Variants in TLL1 observed in about 807,000 individuals in gnomAD.
The protein encoded by TLL1 is tolloid like 1.
Under a neutral mutation model 128.2 loss-of-function variants are expected in TLL1, and 49 were observed. The ratio of observed to expected loss-of-function variants is 0.38; its 90% CI spans 0.30 to 0.48. The LOEUF is 0.48. Among genes scored for constraint, TLL1 ranks in the 20% least tolerant of loss-of-function variants. The pLI is 0.96. For synonymous variants in TLL1, 454 were observed against 418.8 expected (o/e 1.08, Z -1.03); for missense variants, 1,123 against 1,242.0 (o/e 0.90, Z 1.44).
At chr4:166,095,617 A>G (rs925008077) in intron 19 of TLL1, among the ~76,000 whole-genome samples, 3 of 152,138 alleles carry the variant, frequency 2.0e-5, no homozygotes, top group South Asian at 4.1e-4. Flanking sequence ...TATTTGATCT[A>G]AATCAATTAA....
chr4:165,937,886 G>C (rs1319220633), intron 1 of TLL1, among the ~76,000 whole-genome samples: 1 of 115,502 alleles, frequency 8.7e-6, no homozygotes, highest in Non-Finnish European at 1.6e-5. Flanking sequence ...TGCTCTCAAA[G>C]AAAATTATTT....
intron 2 of TLL1, 151 bp downstream of exon 2, chr4:165,989,642 T>C: frequency 3.4e-6 from 2 of 596,636 alleles, no homozygotes; most frequent in Non-Finnish European, 5.7e-6. Context: ...GCAGGTTTTA[T>C]TCATAGTTTT....
rs184350168 is a variant in TLL1 at position 166,096,066 on chromosome 4, T to G, written c.2657-3211T>G. On this transcript the variant is annotated intron_variant, in intron 19 of 20. Transcript: ENST00000061240. ...AGCAATTGCCCTCAGGCTGCCTATT[T>G]TATTCTGGAATTTCTCTCAGGGCAT... Among the ~76,000 whole-genome samples, 118 of 152,220 alleles carry G rather than the reference T, an allele frequency of 7.8e-4. 1 individual carries two copies. Among genetic ancestry groups the G allele is most frequent in the African/African-American group, 2.7e-3 (112 of 41,552 alleles).
chr4:166,097,288 C>T (rs1742069834), intron 19 of TLL1, among the ~76,000 whole-genome samples: 1 of 152,094 alleles, frequency 6.6e-6, no homozygotes, highest in South Asian at 2.1e-4. Flanking sequence ...GCTTGGCTTC[C>T]AGTTTGTGGG....
intron 1 of TLL1, among the ~76,000 whole-genome samples, chr4:165,933,159 G>T (rs1733606586): frequency 6.6e-6 from 1 of 152,138 alleles, no homozygotes. Flanking sequence ...GGTACTTAAA[G>T]CATCAAGTTA....
intron 18 of TLL1, among the ~76,000 whole-genome samples, chr4:166,079,952 AT>A (rs761687516): frequency 6.6e-6 from 1 of 152,164 alleles, no homozygotes; most frequent in Non-Finnish European, 1.5e-5. Context: ...AGCATTCTTT[AT>A]CTCTATTACC....
At chr4:165,944,353 G>A (rs890139306) in intron 1 of TLL1, among the ~76,000 whole-genome samples, 1 of 152,096 alleles carries the variant, frequency 6.6e-6, no homozygotes, top group Non-Finnish European at 1.5e-5. Context: ...AAGAATGAGT[G>A]GTTAAGGGTA....
intron 1 of TLL1, among the ~76,000 whole-genome samples, chr4:165,921,178 C>T (rs1016151515): frequency 2.6e-5 from 4 of 152,150 alleles, no homozygotes; most frequent in African/African-American, 4.8e-5. Flanking sequence ...TGACATATGG[C>T]ATATGCGAAA....
chr4:165,984,565 A>G (rs144482105), intron 1 of TLL1, among the ~76,000 whole-genome samples: 4 of 152,090 alleles, frequency 2.6e-5, no homozygotes, highest in Non-Finnish European at 5.9e-5. Context: ...ACATGACATC[A>G]TCTTTCCTCC....
intron 20 of TLL1, among the ~76,000 whole-genome samples, chr4:166,099,913 C>A (rs761942049): frequency 1.4e-4 from 22 of 152,070 alleles, no homozygotes; most frequent in Non-Finnish European, 2.8e-4. Flanking sequence ...AATATGCACA[C>A]CATTCTAATT....
intron 5 of TLL1, among the ~76,000 whole-genome samples, chr4:166,002,320 A>G (rs916785944): frequency 6.6e-6 from 1 of 152,164 alleles, no homozygotes; most frequent in African/African-American, 2.4e-5. Flanking sequence ...TACTATCACC[A>G]TGAAGATCAG....
chr4:166,032,145 T>G (rs528469455), intron 9 of TLL1, among the ~76,000 whole-genome samples: 27 of 152,132 alleles, frequency 1.8e-4, no homozygotes, highest in African/African-American at 5.5e-4. Context: ...ACTAGAGATA[T>G]TCAAATAAAA....
At chr4:166,034,732 G>A (rs908773089) in intron 9 of TLL1, among the ~76,000 whole-genome samples, 2 of 152,116 alleles carry the variant, frequency 1.3e-5, no homozygotes, top group African/African-American at 2.4e-5. Flanking sequence ...TAGGGGTGTA[G>A]TGGGAATTTA....
intron 1 of TLL1, among the ~76,000 whole-genome samples, chr4:165,938,781 T>G (rs1486619445): frequency 8.4e-6 from 1 of 119,734 alleles, no homozygotes; most frequent in Non-Finnish European, 1.6e-5. Context: ...CCTTAAAATC[T>G]TTTTTTTTTT....
chr4:165,903,396 G>C (rs913684751), intron 1 of TLL1, among the ~76,000 whole-genome samples: 41 of 150,854 alleles, frequency 2.7e-4, no homozygotes, highest in Non-Finnish European at 7.4e-5. Context: ...TTTCTAAAAG[G>C]GTAGATCTTT....
chr4:165,963,292 A>T (rs773218535), intron 1 of TLL1, among the ~76,000 whole-genome samples: 4 of 152,066 alleles, frequency 2.6e-5, no homozygotes, highest in Non-Finnish European at 5.9e-5. Flanking sequence ...ACAAACCTGC[A>T]CATGTACCCC....
intron 1 of TLL1, among the ~76,000 whole-genome samples, chr4:165,947,003 C>T (rs1460554445): frequency 1.3e-5 from 2 of 152,140 alleles, no homozygotes; most frequent in Non-Finnish European, 2.9e-5. Context: ...GATTTCCAAG[C>T]AAAATACTGA....
chr4:165,970,864 A>C (rs1362837960), intron 1 of TLL1, among the ~76,000 whole-genome samples: 1 of 152,160 alleles, frequency 6.6e-6, no homozygotes, highest in Non-Finnish European at 1.5e-5. Context: ...GTCTTGTCCC[A>C]GGTTTGACGC....
chr4:166,044,335 G>T (rs748082649), intron 12 of TLL1: 6 of 1,533,276 alleles, frequency 3.9e-6, no homozygotes, highest in Non-Finnish European at 3.5e-6. Context: ...GGCAGTGACC[G>T]TGGTCATGGT....
Sources: allele counts gnomAD v4.1 joint callset (sites outside exome capture counted in the v4.1 genomes callset), GRCh38; gene constraint gnomAD v4.1.1; transcripts MANE v1.5; gene names NCBI Gene and HGNC (gene_info 2026-07-23, HGNC 2026-07-21).